Variants in GRAMD1B observed in about 807,000 individuals in gnomAD.
GRAMD1B encodes the protein GRAM domain containing 1B, also known as protein Aster-B.
A neutral mutation model predicts 99.7 loss-of-function variants in GRAMD1B; 37 were observed. That is an observed-to-expected ratio of 0.37 (90% confidence interval 0.29 to 0.49). GRAMD1B has a LOEUF of 0.49. Ranked by LOEUF, GRAMD1B falls within the 20% of genes least tolerant of loss-of-function variation. The pLI, the probability that GRAMD1B is intolerant of heterozygous loss-of-function variation, is 0.98. For missense variants in GRAMD1B, 888 were observed against 1,009.2 expected (o/e 0.88, Z 1.63); for synonymous variants, 427 against 387.6 (o/e 1.10, Z -1.19).
rs1029580219 is a variant in GRAMD1B, at chr11:123,568,277, G to A, written c.453-9090G>A. Among the ~76,000 whole-genome samples the A allele has an allele frequency of 3.3e-5, 5 of 152,238 alleles. No individual in the cohort carries two copies. In the South Asian group the frequency reaches 1.0e-3, roughly 31 times the overall value. ...AAGGAGGTAGGGGCATGGGCCGTGT[G>A]GACGCTGAGTGAATGTTCGGATGGC... On this transcript the variant is annotated intron_variant, in intron 2 of 19. Coordinates refer to ENST00000635736, the MANE Select transcript of GRAMD1B (RefSeq NM_001387025.1).
chr11:123,462,891 T>TAAATAAAAA (rs1950497568), intron 1 of GRAMD1B, among the ~76,000 whole-genome samples: 1 of 111,412 alleles, frequency 9.0e-6, no homozygotes, highest in African/African-American at 3.1e-5. Context: ...AAAAATAAAT[T>TAAATAAAAA]AAAAAAAAAA....
Position 123,600,125 on chromosome 11 carries a change from C to T in GRAMD1B, c.970-343C>T, listed in dbSNP as rs569692023. 4.5e-4 allele frequency among the ~76,000 whole-genome samples: 68 copies of T among 152,290 alleles called. 4 individuals are homozygous for T. Among genetic ancestry groups the T allele is most frequent in the Middle Eastern group, 6.8e-3 (2 of 294 alleles). On this transcript the variant is annotated intron_variant, in intron 7 of 19. Coordinates refer to ENST00000635736, the MANE Select transcript of GRAMD1B (RefSeq NM_001387025.1). ...AGATTGTGGGTTTGTCTTGTCCTTC[C>T]ATTTAGGCTAGTTCATAGCTCACCC...
chr11:123,441,279 TA>T (rs1294522235), intron 1 of GRAMD1B, among the ~76,000 whole-genome samples: 1 of 152,052 alleles, frequency 6.6e-6, no homozygotes, highest in East Asian at 1.9e-4. Flanking sequence ...AAACCTTTCA[TA>T]AGAGATCCTC....
intron 1 of GRAMD1B, among the ~76,000 whole-genome samples, chr11:123,432,431 C>T (rs959121643): frequency 9.2e-5 from 14 of 152,024 alleles, no homozygotes; most frequent in Admixed American, 5.9e-4. Context: ...GTGGCAGGCT[C>T]CTGTAATCCC....
intron 1 of GRAMD1B, among the ~76,000 whole-genome samples, chr11:123,401,196 C>T (rs753515461): frequency 3.9e-5 from 6 of 152,212 alleles, no homozygotes; most frequent in African/African-American, 7.2e-5. Context: ...TCAACAGTAA[C>T]GTGAAGGATG....
chr11:123,407,937 G>C (rs1431359703), intron 1 of GRAMD1B, among the ~76,000 whole-genome samples: 2 of 152,178 alleles, frequency 1.3e-5, no homozygotes, highest in African/African-American at 4.8e-5. Flanking sequence ...ACTCCACAGG[G>C]TCCTGAATCT....
intron 1 of GRAMD1B, among the ~76,000 whole-genome samples, chr11:123,362,498 A>G (rs1946178117): frequency 6.6e-6 from 1 of 152,196 alleles, no homozygotes; most frequent in African/African-American, 2.4e-5. Flanking sequence ...AGGGGTCAGA[A>G]TTGGAGAGTG....
At chr11:123,435,616 A>G (rs2134217992) in intron 1 of GRAMD1B, 1 of 586,638 alleles carries the variant, frequency 1.7e-6, no homozygotes, top group Non-Finnish European at 3.1e-6. Context: ...TTGTATCGTC[A>G]CAGCACTGTA....
At chr11:123,554,074 C>A (rs1388777129) in intron 2 of GRAMD1B, among the ~76,000 whole-genome samples, 1 of 152,308 alleles carries the variant, frequency 6.6e-6, no homozygotes, top group Middle Eastern at 3.4e-3. Flanking sequence ...ACTGCAGAAT[C>A]TTGGAGACAA....
Position 123,599,143 on chromosome 11 carries a change from C to A in GRAMD1B, c.970-1325C>A, listed in dbSNP as rs2136675634. On this transcript the variant is annotated intron_variant, in intron 7 of 19. Coordinates refer to ENST00000635736, the MANE Select transcript of GRAMD1B (RefSeq NM_001387025.1). ...TCCTCAAATTCCACTGACATTGCCA[C>A]ATAGATCTCATTTGGGTGCTTCCGG... 3.8e-6 allele frequency: 3 copies of A among 799,790 alleles called. No homozygotes were observed. In the East Asian group the frequency reaches 7.3e-5, roughly 19 times the overall value. 49.5% of individuals were successfully genotyped at this position (799,790 alleles called of 1,614,324 possible).
intron 1 of GRAMD1B, among the ~76,000 whole-genome samples, chr11:123,405,162 G>C (rs2135940382): frequency 6.6e-6 from 1 of 151,698 alleles, no homozygotes; most frequent in Non-Finnish European, 1.5e-5. Context: ...CAGTTAAAAA[G>C]AAGGGAGAGT....
chr11:123,500,500 T>C (rs1182232148), intron 2 of GRAMD1B, among the ~76,000 whole-genome samples: 1 of 152,134 alleles, frequency 6.6e-6, no homozygotes, highest in African/African-American at 2.4e-5. Context: ...TAAAATTAAT[T>C]GGAGTCTTTT....
chr11:123,586,094 TC>T (rs1950042628), intron 4 of GRAMD1B, among the ~76,000 whole-genome samples: 1 of 152,184 alleles, frequency 6.6e-6, no homozygotes, highest in Admixed American at 6.5e-5. Flanking sequence ...TCCCCCTGTT[TC>T]CTTCTCCCTT....
rs767104181 is a variant in GRAMD1B, at chr11:123,449,714, C to CTTTTTTTTTTTTTTTTTTTTT, written c.374+18565_374+18566insTTTTTTTTTTTTTTTTTTTTT. Among the ~76,000 whole-genome samples, 22 of 99,982 alleles carry CTTTTTTTTTTTTTTTTTTTTT rather than the reference C, an allele frequency of 2.2e-4. 4 individuals carry two copies. The highest frequency in any genetic ancestry group is 3.1e-4 in the Non-Finnish European group (15 of 48,594). The allele number at this position is 99,982 out of a possible 152,430, so 65.6% of individuals were successfully genotyped here. A position where few individuals can be genotyped will look rare whatever the true frequency, so the allele number is the denominator to read the frequency against. On this transcript the variant is annotated intron_variant, in intron 1 of 19. Transcript: ENST00000635736. ...TGCAGATGCATGCCACCATGCCTGG[C>CTTTTTTTTTTTTTTTTTTTTT]TTTTTTTTTTTTTTTTTGAGACAGG...
At chr11:123,429,624 G>A (rs779029143), upstream of GRAMD1B, among the ~76,000 whole-genome samples, 5 of 152,126 alleles carry the variant, frequency 3.3e-5, no homozygotes, top group Non-Finnish European at 2.9e-5. The surrounding 1 kb of genome is among the most constrained non-coding windows in gnomAD (Gnocchi z 4.0). Context: ...ACGCGGCTAT[G>A]GTACTGGCAG....
At chr11:123,540,947 A>G (rs1317007987) in intron 2 of GRAMD1B, among the ~76,000 whole-genome samples, 4 of 152,048 alleles carry the variant, frequency 2.6e-5, no homozygotes, top group Non-Finnish European at 5.9e-5. Flanking sequence ...AATAAATGTC[A>G]TGACTAGCAT....
At chr11:123,361,697 A>G (rs554161346) in intron 1 of GRAMD1B, among the ~76,000 whole-genome samples, 13 of 152,300 alleles carry the variant, frequency 8.5e-5, no homozygotes, top group African/African-American at 3.1e-4. Context: ...TAGCTGTAAG[A>G]GTTCCATATA....
At chr11:123,565,766 C>T (rs954250574) in intron 2 of GRAMD1B, among the ~76,000 whole-genome samples, 15 of 152,226 alleles carry the variant, frequency 9.9e-5, no homozygotes, top group African/African-American at 3.6e-4. Flanking sequence ...TTCCAAACTA[C>T]AGACTATTGT....
chr11:123,459,412 T>C (rs7395738), intron 1 of GRAMD1B: 112,577 of 151,738 alleles, frequency 0.74, 42,529 homozygotes, highest in East Asian at 0.89. Flanking sequence ...TGAGCCACCA[T>C]ACCTGGCTAA....
Sources: allele counts gnomAD v4.1 joint callset (sites outside exome capture counted in the v4.1 genomes callset), GRCh38; gene constraint gnomAD v4.1.1; non-coding constraint Gnocchi (gnomAD v3.1); transcripts MANE v1.5; gene names NCBI Gene and HGNC (gene_info 2026-07-23, HGNC 2026-07-21).